RNF169: variants seen among roughly 807,000 people sequenced by gnomAD.
The protein encoded by RNF169 is ring finger protein 169, also known as E3 ubiquitin-protein ligase RNF169.
Under a neutral mutation model 53.9 loss-of-function variants are expected in RNF169, and 24 were observed. The observed-to-expected ratio is 0.45, with a 90% CI of 0.32 to 0.63. RNF169 has a LOEUF of 0.63. Ranked by LOEUF, RNF169 falls within the 20% of genes least tolerant of loss-of-function variation. RNF169 has a pLI of 0.04. For missense variants in RNF169, 883 were observed against 906.2 expected, an observed-to-expected ratio of 0.97 and a Z score of 0.33; for synonymous variants, 396 against 363.5, an observed-to-expected ratio of 1.09 and a Z score of -1.02.
In RNF169 at chr11:74,839,103, G is replaced by A. The variant is rs1279994724; in HGVS notation, c.*2373G>A. On this transcript the variant is annotated 3_prime_UTR_variant, in exon 6 of 6. Coordinates refer to ENST00000299563, the MANE Select transcript of RNF169 (RefSeq NM_001098638.2). ...ATAGCAGTTGTAACAAGTGCAGAAT[G>A]AAGAACAAATTCTTGTTAAGCAAAT... The A allele has an allele frequency of 6.6e-6, 1 of 152,156 alleles. No homozygotes were observed. The highest frequency in any genetic ancestry group is 2.4e-5 in the African/African-American group (1 of 41,430). 9.4% of individuals were successfully genotyped at this position (152,156 alleles called of 1,614,324 possible). A position where few individuals can be genotyped will look rare whatever the true frequency, so the allele number is the denominator to read the frequency against.
At position 74,765,874 on chromosome 11, in the gene RNF169, A is replaced by G. The variant is rs142363073; in HGVS notation, c.502+16492A>G. Among the ~76,000 whole-genome samples the G allele has an allele frequency of 3.3e-3, 500 of 152,158 alleles. 2 individuals are homozygous for G. The highest frequency in any genetic ancestry group is 0.012 in the African/African-American group (478 of 41,542). On this transcript the variant is annotated intron_variant, in intron 1 of 5. Transcript: ENST00000299563. Reference sequence around the variant, plus strand: ...AAGTGGTCAACTGAAGAAGTTAAAAAAAGTAACAGCAGATTAACCCCAAAA... The same window carrying G: ...AAGTGGTCAACTGAAGAAGTTAAAAGAAGTAACAGCAGATTAACCCCAAAA...
intron 1 of RNF169, among the ~76,000 whole-genome samples, chr11:74,780,369 C>T (rs2035399463): frequency 6.6e-6 from 1 of 152,190 alleles, no homozygotes; most frequent in Admixed American, 6.5e-5. Context: ...TTACTGCCCA[C>T]ACACCCTATT....
intron 2 of RNF169, among the ~76,000 whole-genome samples, chr11:74,801,426 A>G (rs376048563): frequency 1.3e-5 from 2 of 152,234 alleles, no homozygotes; most frequent in Non-Finnish European, 2.9e-5. Flanking sequence ...GATATAAAGC[A>G]TCAATTGCTC....
At chr11:74,772,939 A>G (rs1335491994) in intron 1 of RNF169, among the ~76,000 whole-genome samples, 1 of 152,248 alleles carries the variant, frequency 6.6e-6, no homozygotes, top group Admixed American at 6.5e-5. Context: ...AGTCCATAGT[A>G]TGTCATCAAT....
intron 1 of RNF169, among the ~76,000 whole-genome samples, chr11:74,775,872 G>A (rs377372855): frequency 1.3e-3 from 205 of 152,208 alleles, no homozygotes; most frequent in African/African-American, 4.8e-3. Context: ...ATGGCTTTAT[G>A]TATTCAGCAC....
intron 1 of RNF169, among the ~76,000 whole-genome samples, chr11:74,767,379 C>T (rs1591392350): frequency 6.6e-6 from 1 of 151,902 alleles, no homozygotes; most frequent in East Asian, 1.9e-4. Flanking sequence ...AAAACTAGAA[C>T]ATGTGGAATA....
intron 1 of RNF169, among the ~76,000 whole-genome samples, chr11:74,770,243 C>G (rs114502220): frequency 0.022 from 3,287 of 152,356 alleles, 117 homozygotes; most frequent in African/African-American, 0.075. Context: ...GGGCCTTGGG[C>G]AGAACTTGAG....
At chr11:74,809,554 C>T (rs2035847370) in intron 2 of RNF169, among the ~76,000 whole-genome samples, 1 of 152,206 alleles carries the variant, frequency 6.6e-6, no homozygotes, top group Admixed American at 6.5e-5. Flanking sequence ...GGTTCAGTGG[C>T]TCATGCCTGT....
chr11:74,813,689 A>G (rs2035904161), intron 3 of RNF169, among the ~76,000 whole-genome samples: 2 of 152,138 alleles, frequency 1.3e-5, no homozygotes, highest in Non-Finnish European at 2.9e-5. Flanking sequence ...CCTAGTATAC[A>G]TACTGTTTTT....
At chr11:74,786,500 A>C (rs1341033988) in intron 1 of RNF169, among the ~76,000 whole-genome samples, 1 of 151,756 alleles carries the variant, frequency 6.6e-6, no homozygotes, top group Non-Finnish European at 1.5e-5. Context: ...TGACCTCAAG[A>C]GATCCTCTCA....
chr11:74,803,328 G>A (rs1476040351), intron 2 of RNF169, among the ~76,000 whole-genome samples: 1 of 152,068 alleles, frequency 6.6e-6, no homozygotes, highest in African/African-American at 2.4e-5. Context: ...CTAGTGATCT[G>A]CCTGCCTCGG....
intron 1 of RNF169, among the ~76,000 whole-genome samples, chr11:74,764,505 A>C (rs1056037841): frequency 3.3e-5 from 5 of 152,246 alleles, no homozygotes; most frequent in Non-Finnish European, 5.9e-5. Flanking sequence ...AACCATGAGC[A>C]AAACTCCATC....
At chr11:74,792,838 A>G (rs2035597332) in intron 2 of RNF169, among the ~76,000 whole-genome samples, 1 of 152,202 alleles carries the variant, frequency 6.6e-6, no homozygotes, top group East Asian at 1.9e-4. Context: ...TGAAGCTAGG[A>G]TAATCTCATT....
At chr11:74,812,295 T>G (rs1207904795) in intron 3 of RNF169, among the ~76,000 whole-genome samples, 1 of 152,032 alleles carries the variant, frequency 6.6e-6, no homozygotes, top group African/African-American at 2.4e-5. Context: ...AGTTTTTTTT[T>G]GTTTGTTTAT....
chr11:74,781,878 A>C (rs1049813623), intron 1 of RNF169, among the ~76,000 whole-genome samples: 20 of 152,196 alleles, frequency 1.3e-4, no homozygotes, highest in African/African-American at 4.1e-4. Flanking sequence ...CATCTGTAAA[A>C]TGTGGATAAC....
intron 2 of RNF169, among the ~76,000 whole-genome samples, chr11:74,801,234 T>G (rs1317934091): frequency 6.6e-6 from 1 of 152,232 alleles, no homozygotes; most frequent in African/African-American, 2.4e-5. Flanking sequence ...ATGGCTTTTA[T>G]GCACGTTAGC....
At chr11:74,771,397 G>A (rs1031975213) in intron 1 of RNF169, among the ~76,000 whole-genome samples, 3 of 152,148 alleles carry the variant, frequency 2.0e-5, no homozygotes, top group African/African-American at 7.2e-5. Flanking sequence ...TTTGTTTTAT[G>A]CACAAAACTA....
intron 1 of RNF169, among the ~76,000 whole-genome samples, chr11:74,785,077 A>G (rs888354745): frequency 6.7e-6 from 1 of 150,214 alleles, no homozygotes; most frequent in African/African-American, 2.5e-5. Context: ...CCGCATTCCT[A>G]TGAGGTAGCT....
At chr11:74,777,531 G>C (rs919249516) in intron 1 of RNF169, among the ~76,000 whole-genome samples, 3 of 152,072 alleles carry the variant, frequency 2.0e-5, no homozygotes, top group African/African-American at 7.2e-5. Flanking sequence ...ATCCAGTGCG[G>C]ATTACCTAAC....
Sources: allele counts gnomAD v4.1 joint callset (sites outside exome capture counted in the v4.1 genomes callset), GRCh38; gene constraint gnomAD v4.1.1; transcripts MANE v1.5; gene names NCBI Gene and HGNC (gene_info 2026-07-23, HGNC 2026-07-21).